The following TNRC6C variants were observed in gnomAD, a reference collection of about 807,000 sequenced individuals.
TNRC6C encodes trinucleotide repeat containing adaptor 6C.
TNRC6C carries 20 observed loss-of-function variants against 153.7 expected under a neutral mutation model. That is an observed-to-expected ratio of 0.13 (90% CI 0.09 to 0.19). The LOEUF is 0.19. Among genes scored for constraint, TNRC6C ranks in the 10% least tolerant of loss-of-function variants. TNRC6C has a pLI of 1.00. For missense variants in TNRC6C, 1,987 were observed against 2,172.0 expected, an observed-to-expected ratio of 0.91 and a Z score of 1.69; for synonymous variants, 811 against 841.4, an observed-to-expected ratio of 0.96 and a Z score of 0.63.
chr17:78,054,398 A>AC (rs1162472189), intron 3 of TNRC6C, among the ~76,000 whole-genome samples: 1 of 151,990 alleles, frequency 6.6e-6, no homozygotes, highest in Admixed American at 6.5e-5. Flanking sequence ...ACTACTGCAG[A>AC]GTACTGTGCA....
intron 1 of TNRC6C, among the ~76,000 whole-genome samples, chr17:78,014,357 T>A (rs1357838340): frequency 6.6e-6 from 1 of 152,150 alleles, no homozygotes; most frequent in African/African-American, 2.4e-5. Flanking sequence ...ATGTTACATA[T>A]GAGAAGATTA....
chr17:77,978,153 T>C (rs2071028436), intron 1 of TNRC6C, among the ~76,000 whole-genome samples: 1 of 152,104 alleles, frequency 6.6e-6, no homozygotes, highest in African/African-American at 2.4e-5. Context: ...CGCCTCAGCC[T>C]CCCGAAGTAC....
At chr17:78,066,711 A>T (rs1187881541) in intron 4 of TNRC6C, 1 of 152,180 alleles carries the variant, frequency 6.6e-6, no homozygotes, top group Non-Finnish European at 1.5e-5. Context: ...ACAATATCTG[A>T]AGTGGAAACT....
chr17:78,071,615 T>A (rs1041139733), intron 6 of TNRC6C, among the ~76,000 whole-genome samples: 6 of 152,208 alleles, frequency 3.9e-5, no homozygotes, highest in African/African-American at 1.4e-4. Flanking sequence ...CTCGAACACC[T>A]GGGCTCAAGC....
intron 1 of TNRC6C, among the ~76,000 whole-genome samples, chr17:77,993,055 T>A (rs2071276277): frequency 6.6e-6 from 1 of 152,146 alleles, no homozygotes; most frequent in Non-Finnish European, 1.5e-5. Flanking sequence ...AACCTCCGCC[T>A]CCTGGGTTCA....
At chr17:77,976,858 G>A (rs941020779) in intron 1 of TNRC6C, among the ~76,000 whole-genome samples, 13 of 148,130 alleles carry the variant, frequency 8.8e-5, no homozygotes, top group African/African-American at 3.2e-4. Context: ...GAATCCAGGT[G>A]GTGGAGGTTG....
upstream of TNRC6C, among the ~76,000 whole-genome samples, chr17:78,002,691 G>C (rs542603786): frequency 6.6e-6 from 1 of 152,116 alleles, no homozygotes. Context: ...CCAGGAGTTC[G>C]AGACTAGCCT....
chr17:77,958,435 C>T (rs1259743531), upstream of TNRC6C, among the ~76,000 whole-genome samples: 1 of 151,594 alleles, frequency 6.6e-6, no homozygotes, highest in Non-Finnish European at 1.5e-5. Flanking sequence ...GCGCGCTCCC[C>T]GCGCGGTGCA....
intron 3 of TNRC6C, among the ~76,000 whole-genome samples, chr17:78,059,857 A>G (rs1337380694): frequency 5.3e-5 from 8 of 151,720 alleles, no homozygotes; most frequent in East Asian, 1.9e-4. Flanking sequence ...AAAAAAAAAA[A>G]AAAAAAGAAA....
At chr17:78,004,381 C>G, upstream of TNRC6C, 1 of 1,152,538 alleles carries the variant, frequency 8.7e-7, no homozygotes, top group Non-Finnish European at 1.1e-6. Context: ...ATCAATATGC[C>G]AAGTCTATAA....
chr17:78,047,611 A>C (rs1789926713), intron 2 of TNRC6C, among the ~76,000 whole-genome samples: 1 of 152,170 alleles, frequency 6.6e-6, no homozygotes, highest in Admixed American at 6.5e-5. Context: ...TTATGTGGGA[A>C]ATTCATGTTT....
chr17:78,053,191 C>T (rs1445342672), intron 3 of TNRC6C, among the ~76,000 whole-genome samples: 8 of 152,172 alleles, frequency 5.3e-5, no homozygotes, highest in Non-Finnish European at 1.2e-4. Flanking sequence ...GGCCTGTTTA[C>T]GTTAACTGAC....
intron 5 of TNRC6C, among the ~76,000 whole-genome samples, chr17:78,070,473 C>T (rs947537148): frequency 6.6e-6 from 1 of 152,198 alleles, no homozygotes; most frequent in East Asian, 1.9e-4. Flanking sequence ...GAGAAGCCTC[C>T]TGGCTCTTCT....
chr17:78,101,891 C>T (rs1262346827), intron 17 of TNRC6C, among the ~76,000 whole-genome samples: 1 of 151,656 alleles, frequency 6.6e-6, no homozygotes, highest in African/African-American at 2.4e-5. Flanking sequence ...CCATCATGAA[C>T]ATGTCACAGT....
rs752785281 is a variant in TNRC6C, at chr17:78,104,796, C to T, written c.5024C>T (p.Pro1675Leu). ...AGCAGGGTGATAGGCAGCCCCACGC[C>T]GCTAACCACCCTGCTGCCTGGGGAC... Residue 1675 changes from proline (P) to leucine (L), a missense_variant, in exon 20 of 20, where the codon CCG becomes CTG. Coordinates refer to ENST00000301624, the Ensembl canonical transcript of TNRC6C. The surrounding 1 kb of genome is among the most constrained non-coding windows in gnomAD (Gnocchi z 6.2). 1.1e-4 allele frequency: 157 copies of T among 1,442,012 alleles called. No individual in the cohort carries two copies. The highest frequency in any genetic ancestry group is 1.3e-4 in the Non-Finnish European group (146 of 1,097,384). 89.3% of individuals were successfully genotyped at this position (1,442,012 alleles called of 1,614,324 possible). A position where few individuals can be genotyped will look rare whatever the true frequency, so the allele number is the denominator to read the frequency against.
chr17:77,985,086 A>C (rs1269504651), intron 1 of TNRC6C, among the ~76,000 whole-genome samples: 2 of 152,214 alleles, frequency 1.3e-5, no homozygotes, highest in African/African-American at 4.8e-5. Flanking sequence ...AAGCTACGCC[A>C]GTTAAATAAG....
At chr17:78,041,251 C>T (rs1163326038) in intron 2 of TNRC6C, 1 of 152,284 alleles carries the variant, frequency 6.6e-6, no homozygotes, top group East Asian at 1.9e-4. Flanking sequence ...CGTCCCTAAG[C>T]TCTTGGCTGC....
chr17:78,082,718 A>G (rs2073204280), intron 10 of TNRC6C, among the ~76,000 whole-genome samples: 1 of 152,152 alleles, frequency 6.6e-6, no homozygotes, highest in African/African-American at 2.4e-5. Context: ...TCCCAGAGCT[A>G]TGAACATCTG....
chr17:78,063,528 C>T (rs1013197419), intron 3 of TNRC6C, among the ~76,000 whole-genome samples: 1 of 151,986 alleles, frequency 6.6e-6, no homozygotes, highest in Non-Finnish European at 1.5e-5. Flanking sequence ...CCTGTTTCCA[C>T]AAGGGACCAA....
Sources: gnomAD v4.1 joint callset for allele counts (sites outside exome capture counted in the v4.1 genomes callset) on GRCh38, gnomAD v4.1.1 for gene constraint, Gnocchi (gnomAD v3.1) non-coding constraint, MANE v1.5 for transcripts, NCBI Gene and HGNC (gene_info 2026-07-23, HGNC 2026-07-21) for gene names.